WIF1: variants seen among roughly 807,000 people sequenced by gnomAD.
The protein encoded by WIF1 is Wnt inhibitory factor 1.
WIF1 carries 35 observed loss-of-function variants against 53.5 expected under a neutral mutation model. The ratio of observed to expected loss-of-function variants is 0.65; its 90% confidence interval spans 0.50 to 0.87. The LOEUF (loss-of-function observed/expected upper bound fraction) is 0.87, where lower values mean the gene tolerates loss of function less well. Among genes scored for constraint, WIF1 ranks in the 40% least tolerant of loss-of-function variants. WIF1 has a pLI of 0.00. For missense variants in WIF1, 467 were observed against 476.8 expected, an observed-to-expected ratio of 0.98 and a Z score of 0.19; for synonymous variants, 171 against 170.4, an observed-to-expected ratio of 1.00 and a Z score of -0.03.
rs572504126 is a variant in WIF1, at chr12:65,110,500, T to G, written c.288+9917A>C. ...CCAGCCCAAACTAGCTGCATCCCCC[T>G]CTGTGCTCCTAGAGCTCTGTGTTCA... is the stretch of plus-strand genomic sequence containing the variant. On this transcript the variant is annotated intron_variant, in intron 2 of 9. Coordinates refer to ENST00000286574, the MANE Select transcript of WIF1 (RefSeq NM_007191.5). Among the ~76,000 whole-genome samples, 352 of 152,280 alleles carry G rather than the reference T, an allele frequency of 2.3e-3. 7 individuals are homozygous for G. The highest frequency in any genetic ancestry group is 8.3e-3 in the African/African-American group (343 of 41,550).
intron 2 of WIF1, among the ~76,000 whole-genome samples, chr12:65,100,091 TACTC>T (rs1239034076): frequency 1.3e-5 from 2 of 152,230 alleles, no homozygotes; most frequent in East Asian, 1.9e-4. Context: ...AAAAATATTT[TACTC>T]ATTCATTTAA....
At chr12:65,093,520 A>G (rs1284312917) in intron 2 of WIF1, among the ~76,000 whole-genome samples, 3 of 152,096 alleles carry the variant, frequency 2.0e-5, no homozygotes, top group African/African-American at 7.2e-5. Flanking sequence ...AGTACTTGTA[A>G]TTCCTGTTCC....
chr12:65,051,589 A>G, intron 9 of WIF1, 119 bp from the exon 10 acceptor site: 1 of 1,259,518 alleles, frequency 7.9e-7, no homozygotes, highest in Non-Finnish European at 1.0e-6. Flanking sequence ...GAAAAACCGC[A>G]ATGACCACAA....
chr12:65,099,035 G>T (rs892445444), intron 2 of WIF1, among the ~76,000 whole-genome samples: 9 of 152,140 alleles, frequency 5.9e-5, no homozygotes, highest in Admixed American at 5.9e-4. Flanking sequence ...TTTGGGAAGA[G>T]AATATAGCTC....
chr12:65,055,857 T>C (rs1882516990), intron 8 of WIF1, among the ~76,000 whole-genome samples, 174 bp downstream of exon 8: 1 of 152,254 alleles, frequency 6.6e-6, no homozygotes, highest in Non-Finnish European at 1.5e-5. Flanking sequence ...TTTTTTTACA[T>C]GCACAGATTT....
At chr12:65,095,017 C>G (rs1177951204) in intron 2 of WIF1, among the ~76,000 whole-genome samples, 2 of 151,730 alleles carry the variant, frequency 1.3e-5, no homozygotes, top group African/African-American at 4.8e-5. Context: ...ACTGCAGCCT[C>G]CATCTCCTGG....
intron 2 of WIF1, among the ~76,000 whole-genome samples, chr12:65,105,704 C>T (rs891503892): frequency 6.6e-6 from 1 of 152,148 alleles, no homozygotes; most frequent in Non-Finnish European, 1.5e-5. Flanking sequence ...AGAGAAAGCA[C>T]TCACCCGCTA....
intron 3 of WIF1, among the ~76,000 whole-genome samples, chr12:65,073,867 CTA>C: frequency 6.6e-6 from 1 of 152,158 alleles, no homozygotes; most frequent in South Asian, 2.1e-4. Flanking sequence ...TTCAAAAAGA[CTA>C]TGTGTGTGTG....
Position 65,051,363 on chromosome 12 carries a change from TG to T in WIF1, c.1125del (p.Asn376IlefsTer22), listed in dbSNP as rs1882437702. On this transcript the variant is annotated frameshift_variant, in exon 10 of 10. Coordinates refer to ENST00000286574, the MANE Select transcript of WIF1 (RefSeq NM_007191.5). LOFTEE classifies it high-confidence loss of function. ...GATGTCGGAGTTCACCAGATGTAAT[TG>T]GATTCAGGTGGATCCCGCCGCTCCT... The part of the protein sequence containing the change: ...KAEERRDPPE[S>X]NYIW 1 of 1,613,172 alleles carries T rather than the reference TG, an allele frequency of 6.2e-7. No individual in the cohort carries two copies. The highest frequency in any genetic ancestry group is 8.5e-7 in the Non-Finnish European group (1 of 1,179,706).
At chr12:65,102,838 A>G (rs1468753982) in intron 2 of WIF1, among the ~76,000 whole-genome samples, 1 of 152,148 alleles carries the variant, frequency 6.6e-6, no homozygotes, top group African/African-American at 2.4e-5. Context: ...CTTAGCTTGC[A>G]GTGTTTTATA....
intron 2 of WIF1, among the ~76,000 whole-genome samples, chr12:65,097,400 G>A (rs1883221941): frequency 2.0e-5 from 3 of 152,086 alleles, no homozygotes; most frequent in African/African-American, 7.2e-5. Context: ...TATAAAATGA[G>A]AAATCTAGCC....
intron 2 of WIF1, among the ~76,000 whole-genome samples, chr12:65,081,996 T>C (rs538439312): frequency 6.6e-6 from 1 of 152,254 alleles, no homozygotes; most frequent in East Asian, 1.9e-4. Context: ...AAACCATCAA[T>C]ACTGTGAAAA....
At chr12:65,071,231 CAAAAAA>C (rs67928556) in intron 3 of WIF1, among the ~76,000 whole-genome samples, 2 of 71,150 alleles carry the variant, frequency 2.8e-5, no homozygotes, top group African/African-American at 5.6e-5. Flanking sequence ...AAGACTCCAT[CAAAAAA>C]AAAAAAAAAA....
rs147455214 is a variant in WIF1 at position 65,073,104 on chromosome 12, C to T, written c.398-4200G>A. Among the ~76,000 whole-genome samples, 807 of 152,278 alleles carry T rather than the reference C, an allele frequency of 5.3e-3. 7 individuals are homozygous for T. The highest frequency in any genetic ancestry group is 0.018 in the African/African-American group (730 of 41,564). On this transcript the variant is annotated intron_variant, in intron 3 of 9. Coordinates refer to ENST00000286574, the MANE Select transcript of WIF1 (RefSeq NM_007191.5). The stretch of plus-strand genomic sequence containing the variant: ...AGCCTCCAGTCAGTTGAGTCCCTGT[C>T]CTTACAACAAGGCAAGAGATGAGAA...
intron 2 of WIF1, among the ~76,000 whole-genome samples, chr12:65,107,637 C>T (rs936927318): frequency 1.3e-5 from 2 of 152,130 alleles, no homozygotes; most frequent in Non-Finnish European, 2.9e-5. Flanking sequence ...AAAAGTTAAA[C>T]ATTTTTAAAA....
At chr12:65,092,420 A>C (rs1265133455) in intron 2 of WIF1, among the ~76,000 whole-genome samples, 1 of 141,326 alleles carries the variant, frequency 7.1e-6, no homozygotes, top group Non-Finnish European at 1.6e-5. Context: ...ATCCCAGAAC[A>C]TACATATATA....
chr12:65,099,274 T>C (rs1210101742), intron 2 of WIF1, among the ~76,000 whole-genome samples: 1 of 152,188 alleles, frequency 6.6e-6, no homozygotes, highest in African/African-American at 2.4e-5. Flanking sequence ...TGATAGCCAA[T>C]TTATGAGATT....
At position 65,121,158 on chromosome 12, in the gene WIF1, G is replaced by C. The variant is rs1883604146; in HGVS notation, c.34C>G (p.Leu12Val). Reference sequence around the variant, plus strand: ...CACAGGAGGATGCTCCAGAGCCAGAGCGCGGCGGCAGGGAAGGCGCTCCTC... The same window carrying C: ...CACAGGAGGATGCTCCAGAGCCAGACCGCGGCGGCAGGGAAGGCGCTCCTC... Reference protein sequence around the residue: ...ARRSAFPAAALWLWSILLCLL... With the variant: ...ARRSAFPAAAVWLWSILLCLL... The change falls in exon 1 of 10, where the codon CTC becomes GTC. Residue 12 changes from leucine to valine, a missense_variant. Coordinates refer to ENST00000286574, the MANE Select transcript of WIF1 (RefSeq NM_007191.5). 1 of 1,547,120 alleles carries C rather than the reference G, an allele frequency of 6.5e-7. No homozygotes were observed. The highest frequency in any genetic ancestry group is 8.7e-7 in the Non-Finnish European group (1 of 1,145,622).
chr12:65,085,123 G>A (rs1054461945), intron 2 of WIF1, among the ~76,000 whole-genome samples: 3 of 152,160 alleles, frequency 2.0e-5, no homozygotes, highest in Non-Finnish European at 2.9e-5. Flanking sequence ...TTGGGTTCCA[G>A]TCACTTTGCC....
Sources: gnomAD v4.1 joint callset for allele counts (sites outside exome capture counted in the v4.1 genomes callset) on GRCh38, gnomAD v4.1.1 for gene constraint, MANE v1.5 for transcripts, NCBI Gene and HGNC (gene_info 2026-07-23, HGNC 2026-07-21) for gene names.